Variants in CHAF1A observed in about 807,000 individuals in gnomAD.
CHAF1A encodes CAF-1 subunit A.
Under a neutral mutation model 93.2 loss-of-function variants are expected in CHAF1A, and 5 were observed. That is an observed-to-expected ratio of 0.05 (90% CI 0.03 to 0.11). The LOEUF is 0.11. Ranked by LOEUF, CHAF1A falls within the 10% of genes least tolerant of loss-of-function variation. CHAF1A has a pLI of 1.00. For synonymous variants in CHAF1A, 504 were observed against 510.3 expected, an observed-to-expected ratio of 0.99 and a Z score of 0.17; for missense variants, 1,102 against 1,259.9, an observed-to-expected ratio of 0.87 and a Z score of 1.90.
chr19:4,426,952 C>T (rs1266894512), intron 7 of CHAF1A, among the ~76,000 whole-genome samples: 2 of 151,280 alleles, frequency 1.3e-5, no homozygotes, highest in African/African-American at 4.9e-5. Flanking sequence ...ATTAGCCGGG[C>T]GTGGTGGTAG....
chr19:4,420,743 C>G, intron 4 of CHAF1A, among the ~76,000 whole-genome samples: 1 of 152,064 alleles, frequency 6.6e-6, no homozygotes, highest in East Asian at 1.9e-4. Flanking sequence ...GAGTTTGAGA[C>G]AAGCCTGGGC....
intron 3 of CHAF1A, among the ~76,000 whole-genome samples, chr19:4,417,073 G>A (rs543636476): frequency 3.3e-5 from 5 of 151,896 alleles, no homozygotes; most frequent in South Asian, 2.1e-4. Context: ...TCAACCTCCC[G>A]GGCTCCTCCC....
rs1973605829 is a variant in CHAF1A at position 4,402,754 on chromosome 19, G to T, written c.-9G>T. On this transcript the variant is annotated 5_prime_UTR_variant, in exon 1 of 15. Coordinates refer to ENST00000301280, the MANE Select transcript of CHAF1A (RefSeq NM_005483.3). The stretch of plus-strand genomic sequence containing the variant: ...CCGCCTGAGAGGAGGTCGAGCTGCC[G>T]CCGGGGCGATGCTGGAGGAGCTGGA... The T allele has an allele frequency of 6.7e-6, 8 of 1,202,664 alleles. No individual in the cohort carries two copies. The highest frequency in any genetic ancestry group is 7.2e-6 in the Non-Finnish European group (7 of 968,998). 74.5% of individuals were successfully genotyped at this position (1,202,664 alleles called of 1,614,324 possible).
At chr19:4,431,903 C>T in intron 11 of CHAF1A, 49 bp from the exon 12 acceptor site, 1 of 1,558,896 alleles carries the variant, frequency 6.4e-7, no homozygotes, top group South Asian at 1.2e-5. Context: ...AGTGCCCGGG[C>T]ATAGGGGAGC....
intron 10 of CHAF1A, chr19:4,430,075 C>T (rs777681390): frequency 4.6e-6 from 2 of 431,542 alleles, no homozygotes; most frequent in Middle Eastern, 6.6e-4. Context: ...GCCTGCTGCA[C>T]ACCATTTCCT....
Position 4,409,402 on chromosome 19 carries a change from A to G in CHAF1A, c.603A>G (p.Glu201=), listed in dbSNP as rs752833373. 1.5e-5 allele frequency: 24 copies of G among 1,614,032 alleles called. No individual in the cohort carries two copies. The highest frequency in any genetic ancestry group is 1.9e-5 in the Non-Finnish European group (23 of 1,180,030). The change falls in exon 3 of 15, where the codon GAA becomes GAG. Residue 201 remains glutamate (E), a synonymous_variant. Coordinates refer to ENST00000301280, the MANE Select transcript of CHAF1A (RefSeq NM_005483.3). ...CAGGGAGGAGAGGCGACTCCCAGGA[A>G]TGTTCGCCACGGAGCTGCCCGGAGC... The part of the protein sequence containing the change: ...GGAGRRGDSQ[E]CSPRSCPELT...
chr19:4,409,824 C>T lies in CHAF1A; in HGVS notation c.960+65C>T, dbSNP rs891278662. On this transcript the variant is annotated intron_variant, in intron 3 of 14. Transcript: ENST00000301280. ...CGGATCTCAGAGCGCTGTCAGTCTC[C>T]ACTGGGTCACCCAGGTGTTTTGTGG... 4 of 1,523,220 alleles carry T rather than the reference C, an allele frequency of 2.6e-6. No individual in the cohort carries two copies. In the South Asian group the frequency reaches 5.1e-5, roughly 19 times the overall value. 94.4% of individuals were successfully genotyped at this position (1,523,220 alleles called of 1,614,324 possible). A position where few individuals can be genotyped will look rare whatever the true frequency, so the allele number is the denominator to read the frequency against.
At chr19:4,439,442 G>T (rs183944156) in intron 13 of CHAF1A, among the ~76,000 whole-genome samples, 2 of 152,184 alleles carry the variant, frequency 1.3e-5, no homozygotes, top group African/African-American at 4.8e-5. Context: ...AGCTGTCCCC[G>T]TGAAGCAAGC....
intron 13 of CHAF1A, among the ~76,000 whole-genome samples, chr19:4,440,950 C>A (rs1164746388): frequency 6.7e-6 from 1 of 150,314 alleles, no homozygotes; most frequent in Non-Finnish European, 1.5e-5. Flanking sequence ...AAACCCCCGT[C>A]TGTACTAAAA....
At chr19:4,429,809 TCTTCACTCACAGAC>T (rs1974148875) in intron 10 of CHAF1A, 21 bp downstream of exon 10, 1 of 1,600,226 alleles carries the variant, frequency 6.2e-7, no homozygotes, top group African/African-American at 1.3e-5. Flanking sequence ...GCCCCAGCTG[TCTTCACTCACAGAC>T]GGCTTGTGTT....
At chr19:4,447,218 C>A (rs1264041454), downstream of CHAF1A, 2 of 577,244 alleles carry the variant, frequency 3.5e-6, no homozygotes, top group Non-Finnish European at 6.2e-6. Context: ...GGACCCCAGT[C>A]CCTGCCCTTT....
At chr19:4,443,783 C>T (rs557661001), downstream of CHAF1A, among the ~76,000 whole-genome samples, 2 of 152,282 alleles carry the variant, frequency 1.3e-5, no homozygotes, top group Non-Finnish European at 2.9e-5. Context: ...TGACCTCCTC[C>T]CCGCCCCAGG....
downstream of CHAF1A, chr19:4,448,465 C>T (rs368092631): frequency 6.2e-5 from 91 of 1,456,886 alleles, 1 homozygote; most frequent in South Asian, 3.1e-4. Flanking sequence ...CCGGGCCGCA[C>T]GGCCCTCCGC....
Position 4,422,663 on chromosome 19 carries a change from A to T in CHAF1A, c.1115A>T (p.Lys372Met). 6.2e-7 allele frequency: 1 copy of T among 1,605,898 alleles called. No individual in the cohort carries two copies. Among genetic ancestry groups the T allele is most frequent in the Non-Finnish European group, 8.5e-7 (1 of 1,175,928 alleles). Residue 372 changes from lysine (K) to methionine (M), a missense_variant, in exon 5 of 15, where the codon AAG becomes ATG. Around this residue, in one of 6 missense-constraint regions of CHAF1A, gnomAD observed 165 missense variants for 243.9 expected, o/e 0.68. Coordinates refer to ENST00000301280, the MANE Select transcript of CHAF1A (RefSeq NM_005483.3). This position sits in a 1 kb window ranked among gnomAD's most constrained non-coding sequence, Gnocchi z 4.6. ...GCCAAGCGGGCCAAGGAGGAGGCCA[A>T]GAAGAAGAAGGAGGAAGAGAAGGAG... Reference protein sequence around the residue: ...EEAKRAKEEAKKKKEEEKELK... With the variant: ...EEAKRAKEEAMKKKEEEKELK...
chr19:4,434,814 C>T (rs1374269704), intron 13 of CHAF1A, among the ~76,000 whole-genome samples: 3 of 152,182 alleles, frequency 2.0e-5, no homozygotes. Flanking sequence ...ATATGCAGAA[C>T]ACCGCCCGGT....
At position 4,428,799 on chromosome 19, in the gene CHAF1A, G is replaced by A. The variant is rs767544087; in HGVS notation, c.1513G>A (p.Glu505Lys). ...LDQLLQQQSG[E>K]FSFLKDLKGR... ...CCAGCTCCTCCAGCAGCAGAGCGGC[G>A]AGTTCTCCTTCTTGAAAGACCTCAA... Residue 505 changes from glutamate to lysine, a missense_variant, in exon 8 of 15, where the codon GAG (glutamate) becomes AAG (lysine). By Grantham distance (56) the Glu-to-Lys change is moderately conservative. Coordinates refer to ENST00000301280, the MANE Select transcript of CHAF1A (RefSeq NM_005483.3). The A allele has an allele frequency of 4.3e-6, 7 of 1,614,090 alleles. No homozygotes were observed. Among genetic ancestry groups the A allele is most frequent in the Non-Finnish European group, 5.9e-6 (7 of 1,180,042 alleles).
At chr19:4,442,166 G>GGAGTTCCCCCCGCTACC in intron 13 of CHAF1A, 79 bp from the exon 14 acceptor site, 1 of 1,159,524 alleles carries the variant, frequency 8.6e-7, no homozygotes, top group Non-Finnish European at 1.3e-6. Context: ...TCACACCTGT[G>GGAGTTCCCCCCGCTACC]GAGTTCCCCC....
At chr19:4,442,369 C>T in intron 14 of CHAF1A, 28 bp downstream of exon 14, 1 of 1,539,628 alleles carries the variant, frequency 6.5e-7, no homozygotes, top group Non-Finnish European at 8.8e-7. Context: ...TAGCAGAACG[C>T]ACTGGTGAGG....
chr19:4,417,457 C>CTT (rs397768061), intron 3 of CHAF1A, among the ~76,000 whole-genome samples: 1,265 of 103,066 alleles, frequency 0.012, 40 homozygotes, highest in Middle Eastern at 0.044. Flanking sequence ...CCAGCTGTCG[C>CTT]TTTTTTTTTT....
Sources: gnomAD v4.1 joint callset for allele counts (sites outside exome capture counted in the v4.1 genomes callset) on GRCh38, gnomAD v4.1.1 for gene constraint, gnomAD v4.1.1 regional missense constraint, Gnocchi (gnomAD v3.1) non-coding constraint, MANE v1.5 for transcripts, NCBI Gene and HGNC (gene_info 2026-07-23, HGNC 2026-07-21) for gene names.